The following CREBRF variants were observed in gnomAD, a reference collection of about 807,000 sequenced individuals.
CREBRF encodes CREB3 regulatory factor, also known as UPF0474 protein C5orf41.
Under a neutral mutation model 66.1 loss-of-function variants are expected in CREBRF, and 5 were observed. The ratio of observed to expected loss-of-function variants is 0.08; its 90% confidence interval spans 0.04 to 0.16. The LOEUF is 0.16. Ranked by LOEUF, CREBRF falls within the 10% of genes least tolerant of loss-of-function variation. The pLI, the probability that CREBRF is intolerant of heterozygous loss-of-function variation, is 1.00. For missense variants in CREBRF, 531 were observed against 744.9 expected (o/e 0.71, Z 3.34); for synonymous variants, 229 against 264.4 (o/e 0.87, Z 1.30).
In CREBRF at chr5:173,095,183, C is replaced by CTTT. The variant is rs34893180; in HGVS notation, c.1222+3803_1222+3805dup. On this transcript the variant is annotated intron_variant, in intron 4 of 8. Coordinates refer to ENST00000296953, the MANE Select transcript of CREBRF (RefSeq NM_153607.3). ...TACCATATTGTTATAATTACTATAG[C>CTTT]TTTTTTTTTTTTTTTTTTTTTTTGA... Among the ~76,000 whole-genome samples, 129 of 89,600 alleles carry CTTT rather than the reference C, an allele frequency of 1.4e-3. 1 individual carries two copies. Among genetic ancestry groups the CTTT allele is most frequent in the Non-Finnish European group, 1.6e-3 (74 of 46,790 alleles). 58.8% of individuals were successfully genotyped at this position (89,600 alleles called of 152,430 possible).
intron 7 of CREBRF, among the ~76,000 whole-genome samples, chr5:173,117,498 T>C: frequency 6.8e-6 from 1 of 146,760 alleles, no homozygotes; most frequent in Middle Eastern, 3.5e-3. Flanking sequence ...TCCTTTTTCC[T>C]TTCCTTTTTG....
At chr5:173,106,564 CA>C (rs1205915108) in intron 4 of CREBRF, among the ~76,000 whole-genome samples, 1 of 152,164 alleles carries the variant, frequency 6.6e-6, no homozygotes, top group Non-Finnish European at 1.5e-5. Context: ...GCTCAGAAAT[CA>C]TTCTGCTTTC....
At chr5:173,063,084 T>G (rs1301543582) in intron 1 of CREBRF, among the ~76,000 whole-genome samples, 1 of 152,120 alleles carries the variant, frequency 6.6e-6, no homozygotes, top group Admixed American at 6.6e-5. Flanking sequence ...GACTCACCTC[T>G]GTGGGGTAGG....
At chr5:173,082,786 G>A (rs1757996874) in intron 2 of CREBRF, among the ~76,000 whole-genome samples, 1 of 151,348 alleles carries the variant, frequency 6.6e-6, no homozygotes, top group Non-Finnish European at 1.5e-5. Context: ...GTGCGTACCT[G>A]TAGTCCCAGC....
intron 4 of CREBRF, among the ~76,000 whole-genome samples, chr5:173,105,708 C>T (rs1421012746): frequency 6.6e-6 from 1 of 152,052 alleles, no homozygotes; most frequent in Non-Finnish European, 1.5e-5. Flanking sequence ...TCGTGATCTA[C>T]CCACCTCAGC....
chr5:173,111,906 T>G (rs1758877831), intron 6 of CREBRF, among the ~76,000 whole-genome samples: 1 of 152,226 alleles, frequency 6.6e-6, no homozygotes, highest in Non-Finnish European at 1.5e-5. Context: ...TATTATCAGT[T>G]TTTGTTTGTT....
intron 1 of CREBRF, among the ~76,000 whole-genome samples, chr5:173,066,192 T>C (rs1757432499): frequency 6.6e-6 from 1 of 152,198 alleles, no homozygotes; most frequent in South Asian, 2.1e-4. Flanking sequence ...AATAAGCTGA[T>C]TCCCTCTTGG....
At chr5:173,128,377 G>C (rs1759321641) in intron 8 of CREBRF, among the ~76,000 whole-genome samples, 1 of 151,638 alleles carries the variant, frequency 6.6e-6, no homozygotes, top group South Asian at 2.1e-4. Flanking sequence ...TTCTGCGGGA[G>C]TTTTAAAAGA....
At chr5:173,064,046 T>C (rs1174597031) in intron 1 of CREBRF, among the ~76,000 whole-genome samples, 1 of 152,134 alleles carries the variant, frequency 6.6e-6, no homozygotes, top group Non-Finnish European at 1.5e-5. Context: ...TAAAGACTAG[T>C]GTGATAGTAA....
At position 173,135,424 on chromosome 5, in the gene CREBRF, AC is replaced by A. The variant is rs1759562072; in HGVS notation, c.*1681del. On this transcript the variant is annotated 3_prime_UTR_variant, in exon 9 of 9. Transcript: ENST00000296953. ...TTCTTATGTCAAGGCAGCATTATAA[AC>A]CTTCCCCCACAGATTTTTCCATCCT... The A allele has an allele frequency of 6.6e-6, 1 of 152,304 alleles. No individual in the cohort carries two copies. The highest frequency in any genetic ancestry group is 1.5e-5 in the Non-Finnish European group (1 of 67,880). 9.4% of individuals were successfully genotyped at this position (152,304 alleles called of 1,614,324 possible). A position where few individuals can be genotyped will look rare whatever the true frequency, so the allele number is the denominator to read the frequency against.
At chr5:173,132,283 C>T (rs1158481046) in intron 8 of CREBRF, among the ~76,000 whole-genome samples, 3 of 151,154 alleles carry the variant, frequency 2.0e-5, no homozygotes, top group Admixed American at 6.6e-5. Context: ...GACAGGATTT[C>T]ACCATGTTGG....
Position 173,091,204 on chromosome 5 carries a change from C to G in CREBRF, c.1025C>G (p.Ser342Cys), listed in dbSNP as rs1201549496. ...KEEHNYSLFV[S>C]DNLGEQPTKC... Reference sequence around the variant, plus strand: ...GAGCACAATTATTCTCTTTTTGTCTCCGACAACTTGGGTGAACAGCCAACT... The same window carrying G: ...GAGCACAATTATTCTCTTTTTGTCTGCGACAACTTGGGTGAACAGCCAACT... The change falls in exon 4 of 9, where the codon TCC (serine) becomes TGC (cysteine). Residue 342 changes from serine (S) to cysteine (C), a missense_variant. This residue lies in a region of CREBRF where 309 missense variants were observed against 341.4 expected (regional missense o/e 0.90). Transcript: ENST00000296953. 1.9e-6 allele frequency: 3 copies of G among 1,614,122 alleles called. No homozygotes were observed. Among genetic ancestry groups the G allele is most frequent in the Non-Finnish European group, 2.5e-6 (3 of 1,180,024 alleles).
intron 1 of CREBRF, among the ~76,000 whole-genome samples, chr5:173,062,841 G>A (rs1318832214): frequency 4.8e-5 from 7 of 146,518 alleles, no homozygotes; most frequent in Admixed American, 2.1e-4. Flanking sequence ...TCTGCCTCCC[G>A]GGTTCACGCC....
chr5:173,128,513 G>GT (rs1243305794), intron 8 of CREBRF, among the ~76,000 whole-genome samples: 1 of 151,442 alleles, frequency 6.6e-6, no homozygotes, highest in Non-Finnish European at 1.5e-5. Context: ...AAAGTTCCCA[G>GT]TAATGTATTT....
intron 8 of CREBRF, among the ~76,000 whole-genome samples, chr5:173,131,245 G>T (rs72816151): frequency 0.039 from 5,866 of 152,194 alleles, 155 homozygotes; most frequent in South Asian, 0.091. Context: ...ATGATTCTTT[G>T]TCTCTAACTA....
intron 5 of CREBRF, 185 bp downstream of exon 5, chr5:173,109,003 G>C (rs1326792104): frequency 3.5e-6 from 2 of 576,686 alleles, no homozygotes; most frequent in Non-Finnish European, 6.1e-6. Flanking sequence ...CCAGTGTTAA[G>C]AGTCCTCACC....
chr5:173,110,931 G>A (rs1014560324), intron 6 of CREBRF, among the ~76,000 whole-genome samples: 1 of 152,162 alleles, frequency 6.6e-6, no homozygotes, highest in African/African-American at 2.4e-5. Context: ...GGTGCATTAT[G>A]TTGTATAACA....
intron 4 of CREBRF, among the ~76,000 whole-genome samples, chr5:173,105,666 A>G (rs913504426): frequency 6.5e-4 from 94 of 145,446 alleles, no homozygotes; most frequent in African/African-American, 2.3e-3. Flanking sequence ...TGGTTTCGCC[A>G]TGTTGGACAG....
chr5:173,101,509 T>A (rs1758627034), intron 4 of CREBRF, among the ~76,000 whole-genome samples: 1 of 152,244 alleles, frequency 6.6e-6, no homozygotes, highest in African/African-American at 2.4e-5. Context: ...AGTCTGTTTG[T>A]CTTTGACTTT....
Sources: allele counts gnomAD v4.1 joint callset (sites outside exome capture counted in the v4.1 genomes callset), GRCh38; gene constraint gnomAD v4.1.1; regional missense constraint gnomAD v4.1.1; transcripts MANE v1.5; gene names NCBI Gene and HGNC (gene_info 2026-07-23, HGNC 2026-07-21).